Variants in KDM4B observed in about 807,000 individuals in gnomAD.
The protein encoded by KDM4B is lysine-specific demethylase 4B.
Under a neutral mutation model 125.2 loss-of-function variants are expected in KDM4B, and 32 were observed. The observed-to-expected ratio is 0.26, with a 90% CI of 0.19 to 0.34. The LOEUF is 0.34. Among genes scored for constraint, KDM4B ranks in the 10% least tolerant of loss-of-function variants. The probability of loss-of-function intolerance (pLI) is 1.00; values close to 1 mark genes in which losing one functional copy is unlikely to be tolerated. For synonymous variants in KDM4B, 721 were observed against 677.9 expected (o/e 1.06, Z -0.99); for missense variants, 1,190 against 1,577.7 (o/e 0.75, Z 4.16).
chr19:5,127,326 C>T (rs2039466250), intron 11 of KDM4B, among the ~76,000 whole-genome samples: 1 of 152,170 alleles, frequency 6.6e-6, no homozygotes, highest in Non-Finnish European at 1.5e-5. Flanking sequence ...GGACAGAGCC[C>T]CGAGGAATGG....
intron 6 of KDM4B, among the ~76,000 whole-genome samples, chr19:5,051,711 A>AG (rs1050277684): frequency 6.6e-6 from 1 of 152,204 alleles, no homozygotes; most frequent in Admixed American, 6.5e-5. Context: ...GCTTGTCAGA[A>AG]GGGGGGTCAT....
At chr19:5,108,003 C>T (rs1041606463) in intron 9 of KDM4B, among the ~76,000 whole-genome samples, 17 of 152,228 alleles carry the variant, frequency 1.1e-4, no homozygotes, top group African/African-American at 4.1e-4. Flanking sequence ...CAGCCTGGCA[C>T]CAGCAGCTTT....
At chr19:4,981,417 G>A (rs928323514) in intron 1 of KDM4B, among the ~76,000 whole-genome samples, 1 of 152,146 alleles carries the variant, frequency 6.6e-6, no homozygotes, top group African/African-American at 2.4e-5. Flanking sequence ...AGCTGCTCCC[G>A]CGAATCCAGC....
At chr19:4,969,601 C>G (rs1159830321) in intron 1 of KDM4B, among the ~76,000 whole-genome samples, 1 of 151,784 alleles carries the variant, frequency 6.6e-6, no homozygotes, top group Non-Finnish European at 1.5e-5. Flanking sequence ...CCTTTTATCA[C>G]CCGGGACAAG....
intron 10 of KDM4B, 147 bp downstream of exon 10, chr19:5,110,965 GTCC>G (rs376506616): frequency 6.2e-6 from 4 of 643,734 alleles, no homozygotes; most frequent in Non-Finnish European, 1.0e-5. Context: ...CTCCTCTTTC[GTCC>G]TCCTCCTCCT....
chr19:5,106,467 G>T (rs1035914216), intron 9 of KDM4B, among the ~76,000 whole-genome samples: 2 of 152,178 alleles, frequency 1.3e-5, no homozygotes, highest in Admixed American at 1.3e-4. Context: ...GGCCGCCAGG[G>T]TCTGCTCCAT....
At chr19:5,019,747 T>A (rs2036034136) in intron 2 of KDM4B, among the ~76,000 whole-genome samples, 1 of 130,382 alleles carries the variant, frequency 7.7e-6, no homozygotes, top group Non-Finnish European at 1.6e-5. Context: ...GTGTGGGTGT[T>A]GGTGTGCAGG....
In KDM4B at chr19:5,123,250, C is replaced by T. The variant is rs141344206; in HGVS notation, c.1315+3398C>T. Among the ~76,000 whole-genome samples the T allele has an allele frequency of 1.4e-3, 214 of 152,322 alleles. 1 individual carries two copies. The highest frequency in any genetic ancestry group is 2.2e-3 in the Non-Finnish European group (151 of 68,026). On this transcript the variant is annotated intron_variant, in intron 11 of 22. Transcript: ENST00000159111. The stretch of plus-strand genomic sequence containing the variant: ...GTTTGTTTAAAGTCCACAGATGGGG[C>T]GGCTGAAATGGCTGAAATGTACAAT...
At chr19:5,022,678 C>G (rs899218197) in intron 2 of KDM4B, among the ~76,000 whole-genome samples, 1 of 152,030 alleles carries the variant, frequency 6.6e-6, no homozygotes, top group Admixed American at 6.6e-5. Flanking sequence ...CTTGGAGTGC[C>G]GCCTCTGTCT....
In KDM4B at chr19:5,096,830, T is replaced by C. The variant is rs562675467; in HGVS notation, c.919-13792T>C. Among the ~76,000 whole-genome samples the C allele has an allele frequency of 1.8e-3, 258 of 147,198 alleles. 1 individual carries two copies. Among genetic ancestry groups the C allele is most frequent in the Non-Finnish European group, 2.3e-3 (152 of 66,656 alleles). ...GCGGTGCCCCCGGCGGTGTCGGTGG[T>C]GCGTGTTGCCGTGGCGCCTGCCTGG... is the stretch of plus-strand genomic sequence containing the variant. On this transcript the variant is annotated intron_variant, in intron 9 of 22. Coordinates refer to ENST00000159111, the MANE Select transcript of KDM4B (RefSeq NM_015015.3).
At chr19:5,027,768 T>C (rs1399012583) in intron 2 of KDM4B, among the ~76,000 whole-genome samples, 1 of 152,132 alleles carries the variant, frequency 6.6e-6, no homozygotes, top group Admixed American at 6.5e-5. Flanking sequence ...CACGAACTCC[T>C]GACCTCAGGC....
At chr19:5,059,854 C>T (rs1568266338) in intron 6 of KDM4B, among the ~76,000 whole-genome samples, 1 of 152,222 alleles carries the variant, frequency 6.6e-6, no homozygotes, top group Non-Finnish European at 1.5e-5. Context: ...CGACGTTCTG[C>T]ACACAGAGAC....
At position 4,989,148 on chromosome 19, in the gene KDM4B, G is replaced by A. The variant is rs150330920; in HGVS notation, c.-109+19918G>A. ...AGTGCTGAAGTGGTAGAGGTGAGTC[G>A]CTGCCGTGGAGGGCTTGGCAGGGTG... On this transcript the variant is annotated intron_variant, in intron 1 of 22. Coordinates refer to ENST00000159111, the MANE Select transcript of KDM4B (RefSeq NM_015015.3). Among the ~76,000 whole-genome samples, 188 of 152,308 alleles carry A rather than the reference G, an allele frequency of 1.2e-3. 1 individual carries two copies. Among genetic ancestry groups the A allele is most frequent in the African/African-American group, 4.1e-3 (169 of 41,560 alleles).
At chr19:5,058,335 A>G (rs1421781180) in intron 6 of KDM4B, among the ~76,000 whole-genome samples, 2 of 152,168 alleles carry the variant, frequency 1.3e-5, no homozygotes, top group African/African-American at 2.4e-5. Flanking sequence ...CAGACACTCC[A>G]CGCGCAACCC....
intron 7 of KDM4B, chr19:5,074,579 T>TGC (rs1323949109): frequency 2.0e-5 from 3 of 152,210 alleles, no homozygotes; most frequent in African/African-American, 4.8e-5. Context: ...AAAGAGGAAC[T>TGC]GCGGAGAGGC....
rs772395213 is a variant in KDM4B, at chr19:5,047,619, C to T, written c.576C>T (p.Asp192=). Residue 192 remains aspartate, a synonymous_variant, in exon 6 of 23, where the codon GAC becomes GAT. Coordinates refer to ENST00000159111, the MANE Select transcript of KDM4B (RefSeq NM_015015.3). ...WKTTFAWHTE[D]MDLYSINYLH... ...CCACCTTCGCCTGGCACACCGAGGACATGGACCTGTACAGCATCAACTACC... is the reference window on the plus strand; with the variant it reads ...CCACCTTCGCCTGGCACACCGAGGATATGGACCTGTACAGCATCAACTACC... 1.9e-6 allele frequency: 3 copies of T among 1,613,984 alleles called. No individual in the cohort carries two copies. Among genetic ancestry groups the T allele is most frequent in the South Asian group, 2.2e-5 (2 of 91,092 alleles).
chr19:5,006,772 C>CA (rs537946416), intron 1 of KDM4B, among the ~76,000 whole-genome samples: 251 of 127,458 alleles, frequency 2.0e-3, no homozygotes, highest in Middle Eastern at 3.8e-3. Flanking sequence ...AACTCCATCT[C>CA]AAAAAAAAAA....
At chr19:5,089,112 G>A (rs912463310) in intron 9 of KDM4B, among the ~76,000 whole-genome samples, 2 of 152,294 alleles carry the variant, frequency 1.3e-5, no homozygotes, top group East Asian at 1.9e-4. Context: ...CTTTGATGGC[G>A]AAGATGGTCT....
At position 5,081,903 on chromosome 19, in the gene KDM4B, G is replaced by C. The variant is rs1037629273; in HGVS notation, c.781-464G>C. On this transcript the variant is annotated intron_variant, in intron 8 of 22. Transcript: ENST00000159111. The surrounding 1 kb of genome is among the most constrained non-coding windows in gnomAD (Gnocchi z 4.2). ...TCTAAAGCTGCTGTCAGCACCACCC[G>C]CCCCGAAACCAGCCCCAGCTGCTTC... Among the ~76,000 whole-genome samples, 3 of 152,152 alleles carry C rather than the reference G, an allele frequency of 2.0e-5. No individual in the cohort carries two copies. The highest frequency in any genetic ancestry group is 2.9e-5 in the Non-Finnish European group (2 of 68,022).
Sources: allele counts gnomAD v4.1 joint callset (sites outside exome capture counted in the v4.1 genomes callset), GRCh38; gene constraint gnomAD v4.1.1; non-coding constraint Gnocchi (gnomAD v3.1); transcripts MANE v1.5; gene names NCBI Gene and HGNC (gene_info 2026-07-23, HGNC 2026-07-21).